The following ZFP91 variants were observed in gnomAD, a reference collection of about 807,000 sequenced individuals.
ZFP91 encodes ZFP91 zinc finger protein, atypical E3 ubiquitin ligase, also known as E3 ubiquitin-protein ligase ZFP91.
In ZFP91, 7 loss-of-function variants were observed where a neutral mutation model predicts 63.5. That is an observed-to-expected ratio of 0.11 (90% CI 0.06 to 0.21). The LOEUF is 0.21. Ranked by LOEUF, ZFP91 falls within the 10% of genes least tolerant of loss-of-function variation. The probability of loss-of-function intolerance (pLI) is 1.00; values close to 1 mark genes in which losing one functional copy is unlikely to be tolerated. For synonymous variants in ZFP91, 330 were observed against 272.1 expected, an observed-to-expected ratio of 1.21 and a Z score of -2.10; for missense variants, 628 against 736.6, an observed-to-expected ratio of 0.85 and a Z score of 1.71.
chr11:58,609,940 C>T lies in ZFP91; in HGVS notation c.481C>T (p.Arg161Cys), dbSNP rs764585837. 26 of 1,614,024 alleles carry T rather than the reference C, an allele frequency of 1.6e-5. No homozygotes were observed. The highest frequency in any genetic ancestry group is 2.0e-5 in the Non-Finnish European group (24 of 1,180,028). The change falls in exon 3 of 11, where the codon CGC becomes TGC. Residue 161 changes from arginine to cysteine, a missense_variant. Physicochemically the swap from Arg to Cys is radical, Grantham distance 180. Around this residue, in one of 3 missense-constraint regions of ZFP91, gnomAD observed 437 missense variants for 380.3 expected, o/e 1.15. Coordinates refer to ENST00000316059, the MANE Select transcript of ZFP91 (RefSeq NM_053023.5). ...GCGTAGTAGTAGGACATCTGTTTCT[C>T]GCCATCGTGATACAGAGAACACCCG... ...GWRSSRTSVS[R>C]HRDTENTRSS...
Position 58,612,847 on chromosome 11 carries a change from G to A in ZFP91, c.987+7G>A. The A allele has an allele frequency of 2.5e-6, 4 of 1,608,790 alleles. No homozygotes were observed. Among genetic ancestry groups the A allele is most frequent in the Non-Finnish European group, 3.4e-6 (4 of 1,178,018 alleles). On this transcript the variant is annotated splice_region_variant and intron_variant, in intron 8 of 10. Transcript: ENST00000316059. The stretch of plus-strand genomic sequence containing the variant: ...CCATCCTCGCTATTTGCAGGTCAGT[G>A]AAGTTGTTATATAAGAGCCTTTCAG...
At chr11:58,614,496 T>C (rs1157367315) in intron 9 of ZFP91, among the ~76,000 whole-genome samples, 153 bp downstream of exon 9, 1 of 152,176 alleles carries the variant, frequency 6.6e-6, no homozygotes, top group Admixed American at 6.5e-5. Context: ...AAGACAAATT[T>C]TACAAGGGAT....
chr11:58,615,262 T>C (rs980599724), intron 9 of ZFP91, among the ~76,000 whole-genome samples: 2 of 152,108 alleles, frequency 1.3e-5, no homozygotes, highest in Non-Finnish European at 1.5e-5. Context: ...ACAGTTTTCT[T>C]ATACCATGTT....
intron 2 of ZFP91, among the ~76,000 whole-genome samples, chr11:58,591,069 T>C (rs1174103907): frequency 6.6e-6 from 1 of 152,188 alleles, no homozygotes; most frequent in Non-Finnish European, 1.5e-5. Context: ...GTGAGCCCAA[T>C]CATGTAACCA....
intron 2 of ZFP91, among the ~76,000 whole-genome samples, chr11:58,609,361 A>G (rs1253431188): frequency 6.6e-6 from 1 of 152,218 alleles, no homozygotes; most frequent in Non-Finnish European, 1.5e-5. Context: ...AAAACTCTTG[A>G]TTAGAGTGAA....
At chr11:58,612,517 A>G in intron 7 of ZFP91, 189 bp downstream of exon 7, 1 of 637,456 alleles carries the variant, frequency 1.6e-6, no homozygotes, top group East Asian at 2.8e-5. Context: ...AATTTCTAAC[A>G]ATCTTAATAC....
chr11:58,617,781 A>G lies in ZFP91; in HGVS notation c.*75A>G. On this transcript the variant is annotated 3_prime_UTR_variant, in exon 11 of 11. Coordinates refer to ENST00000316059, the MANE Select transcript of ZFP91 (RefSeq NM_053023.5). The surrounding 1 kb of genome is among the most constrained non-coding windows in gnomAD (Gnocchi z 4.2). ...GTTAAAAAGGACAAAAAAAAAATCT[A>G]AAGCATTTAAAATCTAGTGAAATAA... 7.0e-7 allele frequency: 1 copy of G among 1,437,618 alleles called. No homozygotes were observed. Among genetic ancestry groups the G allele is most frequent in the South Asian group, 1.7e-5 (1 of 59,906 alleles). 89.1% of individuals were successfully genotyped at this position (1,437,618 alleles called of 1,614,324 possible).
At position 58,579,119 on chromosome 11, in the gene ZFP91, G is replaced by C. The variant is rs1434624426; in HGVS notation, c.-163G>C. The stretch of plus-strand genomic sequence containing the variant: ...CGGACCTTGAGTGGCAGGGGGTGGG[G>C]GGGGCGCCCTCGGAGCCGGGCGGAG... On this transcript the variant is annotated 5_prime_UTR_variant, in exon 1 of 11. Transcript: ENST00000316059. The C allele has an allele frequency of 1.1e-5, 6 of 534,706 alleles. No individual in the cohort carries two copies. The African/African-American group carries it at 1.3e-4, about 11-fold the overall frequency. The allele number at this position is 534,706 out of a possible 1,614,324, so 33.1% of individuals were successfully genotyped here.
intron 2 of ZFP91, among the ~76,000 whole-genome samples, chr11:58,595,322 T>G (rs73470731): frequency 0.018 from 2,684 of 152,286 alleles, 90 homozygotes; most frequent in African/African-American, 0.061. Context: ...CCTTTACCTT[T>G]AGTATCTTCC....
rs1491329271 is a variant in ZFP91 at position 58,579,066 on chromosome 11, G to GCGCC, written c.-213_-212insCCGC. ...CCGATTGGCCCGCTGAGCGTCTGTG[G>GCGCC]CGCGCGCGCGCGCGCCGCCAGCGGT... On this transcript the variant is annotated 5_prime_UTR_variant, in exon 1 of 11. Coordinates refer to ENST00000316059, the MANE Select transcript of ZFP91 (RefSeq NM_053023.5). 7.7e-6 allele frequency: 2 copies of GCGCC among 260,742 alleles called. No homozygotes were observed. The highest frequency in any genetic ancestry group is 7.3e-5 in the African/African-American group (2 of 27,428). The allele number at this position is 260,742 out of a possible 1,614,324, so 16.2% of individuals were successfully genotyped here. A position where few individuals can be genotyped will look rare whatever the true frequency, so the allele number is the denominator to read the frequency against.
intron 2 of ZFP91, among the ~76,000 whole-genome samples, chr11:58,599,520 T>G (rs1855459535): frequency 6.6e-6 from 1 of 152,092 alleles, no homozygotes; most frequent in Admixed American, 6.5e-5. Flanking sequence ...TTTTTTATTA[T>G]TTTTAGTTAG....
chr11:58,591,421 A>G (rs1423435795), intron 2 of ZFP91, among the ~76,000 whole-genome samples: 2 of 152,306 alleles, frequency 1.3e-5, no homozygotes, highest in African/African-American at 4.8e-5. Context: ...TGTGATGTAT[A>G]TTTTTGAAAT....
At chr11:58,610,066 T>C in intron 3 of ZFP91, 27 bp downstream of exon 3, 3 of 1,606,926 alleles carry the variant, frequency 1.9e-6, no homozygotes, top group Non-Finnish European at 2.6e-6. Flanking sequence ...ATATGGCTGT[T>C]TACTAACTAG....
At chr11:58,610,454 GT>G (rs1855641499) in intron 4 of ZFP91, 120 bp downstream of exon 4, 1 of 896,526 alleles carries the variant, frequency 1.1e-6, no homozygotes, top group African/African-American at 1.7e-5. Context: ...ATTAACTTCA[GT>G]TTTGATACTG....
chr11:58,615,394 C>G (rs1855733018), intron 9 of ZFP91, among the ~76,000 whole-genome samples: 1 of 149,338 alleles, frequency 6.7e-6, no homozygotes, highest in Non-Finnish European at 1.5e-5. Flanking sequence ...TTTCTGACAG[C>G]CACTTTAGAT....
intron 9 of ZFP91, among the ~76,000 whole-genome samples, chr11:58,616,462 A>G (rs1372908749): frequency 6.6e-6 from 1 of 151,584 alleles, no homozygotes; most frequent in Non-Finnish European, 1.5e-5. Context: ...TTAGGATTCC[A>G]TTTCTTATAT....
chr11:58,616,928 A>G, intron 10 of ZFP91, 113 bp downstream of exon 10: 4 of 1,028,604 alleles, frequency 3.9e-6, no homozygotes, highest in Non-Finnish European at 5.8e-6. Flanking sequence ...CATCAAATAA[A>G]TGAGTGGATA....
chr11:58,579,201 G>A lies in ZFP91; in HGVS notation c.-81G>A, dbSNP rs987312739. 1.2e-4 allele frequency: 141 copies of A among 1,210,314 alleles called. No homozygotes were observed. The highest frequency in any genetic ancestry group is 4.9e-4 in the Admixed American group (12 of 24,276). The allele number at this position is 1,210,314 out of a possible 1,614,324, so 75.0% of individuals were successfully genotyped here. On this transcript the variant is annotated 5_prime_UTR_variant, in exon 1 of 11. Transcript: ENST00000316059. ...GTGAGCCGCAGGCTTCGGGAGGCGA[G>A]GGGGCGGGGGGAGCAGCGCCGAGGC... is the stretch of plus-strand genomic sequence containing the variant.
At chr11:58,614,078 T>C in intron 8 of ZFP91, 151 bp from the exon 9 acceptor site, 1 of 460,446 alleles carries the variant, frequency 2.2e-6, no homozygotes. Context: ...TTTCCACCTA[T>C]GTTCTTAGCC....
Sources: allele counts gnomAD v4.1 joint callset (sites outside exome capture counted in the v4.1 genomes callset), GRCh38; gene constraint gnomAD v4.1.1; regional missense constraint gnomAD v4.1.1; non-coding constraint Gnocchi (gnomAD v3.1); transcripts MANE v1.5; gene names NCBI Gene and HGNC (gene_info 2026-07-23, HGNC 2026-07-21).